The following CACNA2D2 variants were observed in gnomAD, a reference collection of about 807,000 sequenced individuals.
CACNA2D2 encodes the protein voltage-dependent calcium channel subunit alpha-2/delta-2.
Under a neutral mutation model 166.4 loss-of-function variants are expected in CACNA2D2, and 48 were observed. The observed-to-expected ratio is 0.29, with a 90% CI of 0.23 to 0.37. The LOEUF (loss-of-function observed/expected upper bound fraction) is 0.37, where lower values mean the gene tolerates loss of function less well. CACNA2D2 is among the 10% of genes least tolerant of loss of function. The probability of loss-of-function intolerance (pLI) is 1.00; values close to 1 mark genes in which losing one functional copy is unlikely to be tolerated. For missense variants in CACNA2D2, 1,122 were observed against 1,433.0 expected (o/e 0.78, Z 3.50); for synonymous variants, 561 against 573.7 (o/e 0.98, Z 0.32).
chr3:50,447,910 C>T (rs2106943299), intron 2 of CACNA2D2, among the ~76,000 whole-genome samples: 1 of 152,256 alleles, frequency 6.6e-6, no homozygotes, highest in East Asian at 1.9e-4. Context: ...TTCTAAGTGC[C>T]CCACAGAGGT....
At chr3:50,384,116 A>G in intron 6 of CACNA2D2, 80 bp downstream of exon 6, 16 of 1,564,714 alleles carry the variant, frequency 1.0e-5, no homozygotes, top group Non-Finnish European at 1.2e-5. Context: ...TTCTGTCCCC[A>G]GGGACTCTGG....
chr3:50,378,052 C>G lies in CACNA2D2; in HGVS notation c.1435G>C (p.Glu479Gln), dbSNP rs1367964118. The G allele has an allele frequency of 3.1e-6, 5 of 1,613,612 alleles. No homozygotes were observed. The African/African-American group carries it at 6.7e-5, about 22-fold the overall frequency. ...LGRPMVLAGKEAKQVQWTNVY... is the reference protein window; with the variant it reads ...LGRPMVLAGKQAKQVQWTNVY... Reference sequence around the variant, plus strand: ...TTGGTCCACTGCACCTGCTTGGCCTCCTTGCCTGCCAGCACCATGGGCCTG... The same window carrying G: ...TTGGTCCACTGCACCTGCTTGGCCTGCTTGCCTGCCAGCACCATGGGCCTG... The change falls in exon 15 of 38, where the codon GAG (glutamate) becomes CAG (glutamine). Residue 479 changes from glutamate to glutamine, a missense_variant. Physicochemically the swap from Glu to Gln is conservative, Grantham distance 29. Coordinates refer to ENST00000424201, the MANE Select transcript of CACNA2D2 (RefSeq NM_006030.4).
At position 50,503,246 on chromosome 3, in the gene CACNA2D2, A is replaced by T; in HGVS notation, c.178T>A (p.Ser60Thr). ...TGCTGCTGGGGGAAGCTGTAGGCAG[A>T]GGCGCCGGGGGCGGCGAGCAGCGGT... ...LLPLLAAPGA[S>T]AYSFPQQHTM... is the part of the protein sequence containing the mutation. Residue 60 changes from serine to threonine, a missense_variant, in exon 1 of 38, where the codon TCT (serine) becomes ACT (threonine). Physicochemically the swap from Ser to Thr is moderately conservative, Grantham distance 58 (BLOSUM62 1). Around this residue, in one of 2 missense-constraint regions of CACNA2D2, gnomAD observed 840 missense variants for 1,166.8 expected, o/e 0.72. Transcript: ENST00000424201. The T allele has an allele frequency of 8.4e-7, 1 of 1,194,208 alleles. No individual in the cohort carries two copies. The highest frequency in any genetic ancestry group is 1.6e-5 in the African/African-American group (1 of 62,930). The allele number at this position is 1,194,208 out of a possible 1,614,324, so 74.0% of individuals were successfully genotyped here. A position where few individuals can be genotyped will look rare whatever the true frequency, so the allele number is the denominator to read the frequency against.
In CACNA2D2 at chr3:50,380,965, G is replaced by T. The variant is rs200678372; in HGVS notation, c.784+30C>A. 70 of 1,612,372 alleles carry T rather than the reference G, an allele frequency of 4.3e-5. No homozygotes were observed. The highest frequency in any genetic ancestry group is 5.7e-5 in the Non-Finnish European group (67 of 1,178,938). On this transcript the variant is annotated intron_variant, in intron 7 of 37. Coordinates refer to ENST00000424201, the MANE Select transcript of CACNA2D2 (RefSeq NM_006030.4). The surrounding 1 kb of genome is among the most constrained non-coding windows in gnomAD (Gnocchi z 4.9). ...GTAGATGGAGAAAGGCGAGGTGCTGGGTAGACAGGGGACAGGGGCTGGTAC... is the reference window on the plus strand; with the variant it reads ...GTAGATGGAGAAAGGCGAGGTGCTGTGTAGACAGGGGACAGGGGCTGGTAC...
At position 50,440,872 on chromosome 3, in the gene CACNA2D2, T is replaced by C. The variant is rs535099556; in HGVS notation, c.289-6443A>G. On this transcript the variant is annotated intron_variant, in intron 2 of 37. Transcript: ENST00000424201. ...GTGGGGCTGGCCTGCTCCAGGGTGG[T>C]AGGGGGCAAGAAAAAGCCTGGGGAG... 1.8e-3 allele frequency among the ~76,000 whole-genome samples: 275 copies of C among 151,624 alleles called. 1 individual carries two copies. The highest frequency in any genetic ancestry group is 6.5e-3 in the African/African-American group (267 of 41,298).
At position 50,385,003 on chromosome 3, in the gene CACNA2D2, TG is replaced by T. The variant is rs587599364; in HGVS notation, c.511-667del. On this transcript the variant is annotated intron_variant, in intron 5 of 37. Coordinates refer to ENST00000424201, the MANE Select transcript of CACNA2D2 (RefSeq NM_006030.4). ...GCAGTAGGACTGAAAGGGCCCCTGT[TG>T]ATTTTCTAAAATGAGCCACAGCAGC... is the stretch of plus-strand genomic sequence containing the variant. Among the ~76,000 whole-genome samples, 877 of 152,284 alleles carry T rather than the reference TG, an allele frequency of 5.8e-3. 9 individuals carry two copies. Among genetic ancestry groups the T allele is most frequent in the Middle Eastern group, 0.02 (6 of 294 alleles).
At chr3:50,461,675 C>T (rs1033567261) in intron 2 of CACNA2D2, among the ~76,000 whole-genome samples, 1 of 148,108 alleles carries the variant, frequency 6.8e-6, no homozygotes, top group East Asian at 2.0e-4. Flanking sequence ...GCAGGAGAAT[C>T]GCTTGAATCT....
chr3:50,367,918 A>T lies in CACNA2D2; in HGVS notation c.2144-16T>A. ...AAGTTGTTGCCTGGAACAGGAGGGG[A>T]GGGGTGGGGGTGGGGGCATCTTCTT... On this transcript the variant is annotated splice_polypyrimidine_tract_variant and intron_variant, in intron 24 of 37. Coordinates refer to ENST00000424201, the MANE Select transcript of CACNA2D2 (RefSeq NM_006030.4). The surrounding 1 kb of genome is among the most constrained non-coding windows in gnomAD (Gnocchi z 6.5). 9.7e-5 allele frequency: 14 copies of T among 144,008 alleles called. No homozygotes were observed. The highest frequency in any genetic ancestry group is 2.1e-4 in the Non-Finnish European group (14 of 68,100). The allele number at this position is 144,008 out of a possible 1,614,324, so 8.9% of individuals were successfully genotyped here.
chr3:50,414,527 C>A (rs1279319357), intron 3 of CACNA2D2, among the ~76,000 whole-genome samples: 1 of 151,958 alleles, frequency 6.6e-6, no homozygotes, highest in African/African-American at 2.4e-5. Flanking sequence ...AGCCCCCCTT[C>A]CAAAACAATA....
At chr3:50,402,998 T>A (rs1391805168) in intron 3 of CACNA2D2, among the ~76,000 whole-genome samples, 1 of 152,122 alleles carries the variant, frequency 6.6e-6, no homozygotes, top group Non-Finnish European at 1.5e-5. Context: ...TAGAGATATG[T>A]GTGGGCACGG....
intron 2 of CACNA2D2, among the ~76,000 whole-genome samples, chr3:50,451,237 T>C (rs991268340): frequency 1.3e-5 from 2 of 152,126 alleles, no homozygotes; most frequent in Non-Finnish European, 2.9e-5. Flanking sequence ...GCGATTCCCC[T>C]GCCTCAGCCT....
intron 1 of CACNA2D2, among the ~76,000 whole-genome samples, chr3:50,479,176 T>C (rs1367874879): frequency 6.6e-6 from 1 of 152,168 alleles, no homozygotes; most frequent in Non-Finnish European, 1.5e-5. Flanking sequence ...CCTCCCTCCT[T>C]GTCTCTCTCT....
rs749858353 is a variant in CACNA2D2, at chr3:50,376,612, G to A, written c.1627-424C>T. Reference sequence around the variant, plus strand: ...GAGCAGCGGGACGAGTGGACCCTTCGGAATCCTACCTGGGGCTTCCCTTCC... The same window carrying A: ...GAGCAGCGGGACGAGTGGACCCTTCAGAATCCTACCTGGGGCTTCCCTTCC... On this transcript the variant is annotated intron_variant, in intron 17 of 37. Coordinates refer to ENST00000424201, the MANE Select transcript of CACNA2D2 (RefSeq NM_006030.4). The surrounding 1 kb of genome is among the most constrained non-coding windows in gnomAD (Gnocchi z 4.3). Among the ~76,000 whole-genome samples, 5 of 152,078 alleles carry A rather than the reference G, an allele frequency of 3.3e-5. No individual in the cohort carries two copies. The highest frequency in any genetic ancestry group is 5.9e-5 in the Non-Finnish European group (4 of 67,992).
intron 3 of CACNA2D2, among the ~76,000 whole-genome samples, chr3:50,423,954 C>T (rs1169473580): frequency 1.3e-5 from 2 of 152,256 alleles, no homozygotes; most frequent in Non-Finnish European, 2.9e-5. Context: ...ACAGATCCAT[C>T]TGTCTGCGGG....
chr3:50,442,337 C>A (rs562184253), intron 2 of CACNA2D2, among the ~76,000 whole-genome samples: 4 of 152,334 alleles, frequency 2.6e-5, no homozygotes, highest in Non-Finnish European at 5.9e-5. Context: ...AAGCCATCCA[C>A]GATGTATCTC....
At chr3:50,368,294 C>A in intron 23 of CACNA2D2, 59 bp from the exon 24 acceptor site, 2 of 1,056,116 alleles carry the variant, frequency 1.9e-6, no homozygotes, top group Non-Finnish European at 3.0e-6. Context: ...GCAATGGGGT[C>A]AAGGCTTCCC....
intron 4 of CACNA2D2, among the ~76,000 whole-genome samples, 159 bp downstream of exon 4, chr3:50,393,950 G>A (rs1706014536): frequency 6.6e-6 from 1 of 152,116 alleles, no homozygotes; most frequent in Admixed American, 6.5e-5. Flanking sequence ...AGTGAGAGGC[G>A]CCTGGAGTAA....
intron 2 of CACNA2D2, among the ~76,000 whole-genome samples, chr3:50,463,505 T>G (rs371380979): frequency 1.2e-4 from 18 of 152,122 alleles, no homozygotes; most frequent in African/African-American, 4.3e-4. Flanking sequence ...GCCATGTTGT[T>G]CAGGCTGGTC....
At chr3:50,455,802 G>A (rs1407250963) in intron 2 of CACNA2D2, among the ~76,000 whole-genome samples, 5 of 152,176 alleles carry the variant, frequency 3.3e-5, no homozygotes, top group South Asian at 2.1e-4. Flanking sequence ...TTCCTCCGGC[G>A]TCTCACCAGC....
Sources: gnomAD v4.1 joint callset for allele counts (sites outside exome capture counted in the v4.1 genomes callset) on GRCh38, gnomAD v4.1.1 for gene constraint, gnomAD v4.1.1 regional missense constraint, Gnocchi (gnomAD v3.1) non-coding constraint, MANE v1.5 for transcripts, NCBI Gene and HGNC (gene_info 2026-07-23, HGNC 2026-07-21) for gene names.